Variants in CEP76 observed in about 807,000 individuals in gnomAD.
The protein encoded by CEP76 is centrosomal protein 76, also known as centrosomal protein of 76 kDa.
Under a neutral mutation model 83.3 loss-of-function variants are expected in CEP76, and 55 were observed. The ratio of observed to expected loss-of-function variants is 0.66; its 90% confidence interval spans 0.53 to 0.83. The LOEUF (loss-of-function observed/expected upper bound fraction) is 0.83, where lower values mean the gene tolerates loss of function less well. Among genes scored for constraint, CEP76 ranks in the 40% least tolerant of loss-of-function variants. The probability of loss-of-function intolerance (pLI) is 0.00; values close to 1 mark genes in which losing one functional copy is unlikely to be tolerated. For missense variants in CEP76, 694 were observed against 799.5 expected, an observed-to-expected ratio of 0.87 and a Z score of 1.59; for synonymous variants, 270 against 274.5, an observed-to-expected ratio of 0.98 and a Z score of 0.16.
At chr18:12,695,500 T>C in intron 5 of CEP76, 149 bp from the exon 6 acceptor site, 1 of 451,552 alleles carries the variant, frequency 2.2e-6, no homozygotes, top group South Asian at 4.4e-5. Flanking sequence ...AATATTCATA[T>C]TAAAATGAAC....
At position 12,702,627 on chromosome 18, in the gene CEP76, G is replaced by T; in HGVS notation, c.-79C>A. 6.8e-7 allele frequency: 1 copy of T among 1,480,924 alleles called. No homozygotes were observed. 91.7% of individuals were successfully genotyped at this position (1,480,924 alleles called of 1,614,324 possible). ...CGCGGCCCCGGCCGGGCCAGGGAGC[G>T]TTAGGAGCGACTGGAGCACAAAGCG... On this transcript the variant is annotated 5_prime_UTR_variant, in exon 1 of 12. Transcript: ENST00000262127.
downstream of CEP76, among the ~76,000 whole-genome samples, chr18:12,669,115 G>A (rs1260447751): frequency 1.1e-4 from 12 of 113,784 alleles, 1 homozygote; most frequent in Admixed American, 3.1e-4. Flanking sequence ...CTCAGCTCAC[G>A]GCAACCTCTT....
chr18:12,701,755 C>G lies in CEP76; in HGVS notation c.64-642G>C, dbSNP rs913348935. Among the ~76,000 whole-genome samples the G allele has an allele frequency of 7.9e-5, 12 of 152,332 alleles. No homozygotes were observed. The South Asian group carries it at 8.3e-4, about 11-fold the overall frequency. On this transcript the variant is annotated intron_variant, in intron 1 of 11. Transcript: ENST00000262127. ...GTCATTACAAACCCTTTAGTAACTT[C>G]TCTTCCATGACTTATTTGAGAATTG...
Position 12,697,259 on chromosome 18 carries a change from C to T in CEP76, c.670G>A (p.Gly224Arg). 2 of 1,613,794 alleles carry T rather than the reference C, an allele frequency of 1.2e-6. No homozygotes were observed. The highest frequency in any genetic ancestry group is 1.7e-6 in the Non-Finnish European group (2 of 1,179,846). ...EWRSVLGSEN[G>R]VTSLTVELMG... ...AGTTCCACAGTCAGACTGGTCACTC[C>T]ATTTTCTGAGCCCAAAACCGATCGC... is the stretch of plus-strand genomic sequence containing the variant. The change falls in exon 5 of 12, where the codon GGA becomes AGA. Residue 224 changes from glycine (G) to arginine (R), a missense_variant. Coordinates refer to ENST00000262127, the MANE Select transcript of CEP76 (RefSeq NM_024899.4).
chr18:12,668,871 G>A (rs558722689), downstream of CEP76, among the ~76,000 whole-genome samples: 2 of 149,144 alleles, frequency 1.3e-5, no homozygotes, highest in African/African-American at 2.5e-5. Context: ...CTCCCAAGTA[G>A]CTGGGATTAC....
At chr18:12,701,695 G>C (rs370763802) in intron 1 of CEP76, among the ~76,000 whole-genome samples, 1 of 152,104 alleles carries the variant, frequency 6.6e-6, no homozygotes, top group African/African-American at 2.4e-5. Context: ...AGAAACTGGA[G>C]GTTCTTCTGG....
In CEP76 at chr18:12,684,959, A is replaced by C. The variant is rs541751385; in HGVS notation, c.1122+1303T>G. 10 of 151,664 alleles carry C rather than the reference A, an allele frequency of 6.6e-5. No individual in the cohort carries two copies. In the East Asian group the frequency reaches 1.8e-3, roughly 27 times the overall value. The allele number at this position is 151,664 out of a possible 1,614,324, so 9.4% of individuals were successfully genotyped here. ...CAAACTAAATAGCATGCAATTCAAG[A>C]TTTTTTTCTATTTTAATATTTTTTC... On this transcript the variant is annotated intron_variant, in intron 8 of 11. Coordinates refer to ENST00000262127, the MANE Select transcript of CEP76 (RefSeq NM_024899.4).
At position 12,673,048 on chromosome 18, in the gene CEP76, T is replaced by A. The variant is rs1316421550; in HGVS notation, c.*317A>T. The A allele has an allele frequency of 9.8e-7, 1 of 1,021,650 alleles. No individual in the cohort carries two copies. Among genetic ancestry groups the A allele is most frequent in the Admixed American group, 5.7e-5 (1 of 17,458 alleles). 63.3% of individuals were successfully genotyped at this position (1,021,650 alleles called of 1,614,324 possible). A position where few individuals can be genotyped will look rare whatever the true frequency, so the allele number is the denominator to read the frequency against. On this transcript the variant is annotated 3_prime_UTR_variant, in exon 12 of 12. Transcript: ENST00000262127. ...ACAAACATCTCTTTGATTACCTGTTTGTGTAAAGAAAACTGAATGCATTTT... is the reference window on the plus strand; with the variant it reads ...ACAAACATCTCTTTGATTACCTGTTAGTGTAAAGAAAACTGAATGCATTTT...
chr18:12,670,000 A>C (rs1209934828), downstream of CEP76, among the ~76,000 whole-genome samples: 1 of 150,738 alleles, frequency 6.6e-6, no homozygotes, highest in Non-Finnish European at 1.5e-5. Flanking sequence ...TGTCTCAAAA[A>C]AAAAAAGAAA....
intron 12 of CEP76, among the ~76,000 whole-genome samples, chr18:12,662,669 C>T (rs1234345263): frequency 6.6e-6 from 1 of 152,092 alleles, no homozygotes; most frequent in Admixed American, 6.6e-5. Context: ...CCCAGCTGCT[C>T]GGAAGGCTGA....
At chr18:12,666,382 A>G (rs913147684) in intron 12 of CEP76, among the ~76,000 whole-genome samples, 2 of 151,422 alleles carry the variant, frequency 1.3e-5, no homozygotes, top group African/African-American at 2.4e-5. Flanking sequence ...TCATTCTTCA[A>G]CTGTGATATT....
At chr18:12,669,122 T>C (rs1287937630), downstream of CEP76, among the ~76,000 whole-genome samples, 2 of 121,214 alleles carry the variant, frequency 1.6e-5, no homozygotes, top group Non-Finnish European at 3.4e-5. Context: ...CACGGCAACC[T>C]CTTTTTTTTT....
In CEP76 at chr18:12,686,344, C is replaced by A; in HGVS notation, c.1040G>T (p.Gly347Val). 6.2e-7 allele frequency: 1 copy of A among 1,614,130 alleles called. No individual in the cohort carries two copies. Among genetic ancestry groups the A allele is most frequent in the Non-Finnish European group, 8.5e-7 (1 of 1,180,014 alleles). ...RQAARFVNVL[G>V]YERAPVIGGG... ...TCCAATAACAGGGGCTCGTTCATAA[C>A]CAAGGACATTAACAAATCTTGCTGC... Residue 347 changes from glycine (G) to valine (V), a missense_variant, in exon 8 of 12, where the codon GGT becomes GTT. By Grantham distance (109) the Gly-to-Val change is moderately radical. Coordinates refer to ENST00000262127, the MANE Select transcript of CEP76 (RefSeq NM_024899.4).
At chr18:12,669,168 A>G (rs1361545143), downstream of CEP76, among the ~76,000 whole-genome samples, 2 of 148,072 alleles carry the variant, frequency 1.4e-5, no homozygotes. Flanking sequence ...GCTGGAGTGC[A>G]GTGGTGTGAT....
chr18:12,694,170 GAC>G (rs1264651978), intron 6 of CEP76, among the ~76,000 whole-genome samples: 8 of 152,170 alleles, frequency 5.3e-5, no homozygotes, highest in African/African-American at 1.9e-4. Flanking sequence ...TACCACCCAT[GAC>G]ACATGTCAGA....
chr18:12,695,775 C>T (rs1028137437), intron 5 of CEP76, among the ~76,000 whole-genome samples: 5 of 151,850 alleles, frequency 3.3e-5, no homozygotes, highest in Non-Finnish European at 7.4e-5. Context: ...TAATTTTTGT[C>T]TTAATTAAAT....
chr18:12,683,690 G>C (rs2039433029), intron 8 of CEP76, among the ~76,000 whole-genome samples: 1 of 151,738 alleles, frequency 6.6e-6, no homozygotes, highest in Non-Finnish European at 1.5e-5. Flanking sequence ...GACGGAGGTT[G>C]CAGTGGGCCG....
At chr18:12,664,924 C>T (rs1204837214) in intron 12 of CEP76, 1 of 152,144 alleles carries the variant, frequency 6.6e-6, no homozygotes, top group African/African-American at 2.4e-5. Context: ...GTCTCAAACT[C>T]CTGATCTCAA....
At chr18:12,684,305 G>A (rs1479795766) in intron 8 of CEP76, 1 of 151,042 alleles carries the variant, frequency 6.6e-6, no homozygotes, top group East Asian at 2.0e-4. Context: ...TTAGAGAGAG[G>A]GATTTTGCCA....
Sources: gnomAD v4.1 joint callset for allele counts (sites outside exome capture counted in the v4.1 genomes callset) on GRCh38, gnomAD v4.1.1 for gene constraint, MANE v1.5 for transcripts, NCBI Gene and HGNC (gene_info 2026-07-23, HGNC 2026-07-21) for gene names.